DYNC1I1: variants seen among roughly 807,000 people sequenced by gnomAD.
DYNC1I1 encodes cytoplasmic dynein 1 intermediate chain 1.
Under a neutral mutation model 86.6 loss-of-function variants are expected in DYNC1I1, and 43 were observed. The ratio of observed to expected loss-of-function variants is 0.50; its 90% CI spans 0.39 to 0.64. The LOEUF (loss-of-function observed/expected upper bound fraction) is 0.64, where lower values mean the gene tolerates loss of function less well. Ranked by LOEUF, DYNC1I1 falls within the 30% of genes least tolerant of loss-of-function variation. DYNC1I1 has a pLI of 0.00. For missense variants in DYNC1I1, 604 were observed against 788.8 expected (o/e 0.77, Z 2.81); for synonymous variants, 262 against 283.7 (o/e 0.92, Z 0.77).
At chr7:96,107,033 C>CTT (rs374213729) in intron 16 of DYNC1I1, among the ~76,000 whole-genome samples, 11 of 145,796 alleles carry the variant, frequency 7.5e-5, no homozygotes, top group African/African-American at 1.2e-4. Context: ...TTCATTCATA[C>CTT]TTTTTTTTTT....
chr7:95,976,190 T>C (rs985084881), intron 6 of DYNC1I1, among the ~76,000 whole-genome samples: 2 of 152,230 alleles, frequency 1.3e-5, no homozygotes, highest in Non-Finnish European at 2.9e-5. Context: ...TTCTTATATA[T>C]GTATAATGTG....
intron 6 of DYNC1I1, among the ~76,000 whole-genome samples, chr7:95,918,837 A>G (rs1402837656): frequency 6.6e-6 from 1 of 152,194 alleles, no homozygotes; most frequent in Non-Finnish European, 1.5e-5. Context: ...CTTAAACAAT[A>G]CCATAAATAT....
At chr7:95,845,534 T>C (rs1220837324) in intron 5 of DYNC1I1, among the ~76,000 whole-genome samples, 1 of 152,208 alleles carries the variant, frequency 6.6e-6, no homozygotes, top group East Asian at 1.9e-4. Context: ...TTTTCAAGGT[T>C]TGTCATGTAA....
chr7:95,995,912 T>C, intron 9 of DYNC1I1, 36 bp from the exon 10 acceptor site: 2 of 1,557,880 alleles, frequency 1.3e-6, no homozygotes, highest in Non-Finnish European at 1.7e-6. Context: ...TGTTGTCATC[T>C]TAGCATAATT....
chr7:95,942,235 T>C (rs1426407898), intron 6 of DYNC1I1, among the ~76,000 whole-genome samples: 1 of 152,154 alleles, frequency 6.6e-6, no homozygotes, highest in Admixed American at 6.5e-5. Context: ...CCGAGAATAC[T>C]ACAAACACCT....
chr7:96,011,695 G>A (rs2115851039), intron 10 of DYNC1I1, among the ~76,000 whole-genome samples: 1 of 152,282 alleles, frequency 6.6e-6, no homozygotes, highest in Admixed American at 6.5e-5. Flanking sequence ...ATTTCGAAGT[G>A]GTGGTGTGTG....
At chr7:95,832,622 C>T (rs2115953039) in intron 5 of DYNC1I1, among the ~76,000 whole-genome samples, 1 of 152,276 alleles carries the variant, frequency 6.6e-6, no homozygotes, top group African/African-American at 2.4e-5. Flanking sequence ...ACATCCTCTC[C>T]AGCACCTGTT....
intron 16 of DYNC1I1, among the ~76,000 whole-genome samples, chr7:96,087,024 G>A (rs1388138837): frequency 6.6e-6 from 1 of 152,122 alleles, no homozygotes; most frequent in Non-Finnish European, 1.5e-5. Flanking sequence ...TGATAAACTG[G>A]AAGTACTGGG....
intron 14 of DYNC1I1, chr7:96,056,006 T>C (rs1319520084): frequency 6.6e-6 from 1 of 150,424 alleles, no homozygotes; most frequent in Non-Finnish European, 1.5e-5. Context: ...CCTTAAGGAT[T>C]AAAAACTTAA....
At chr7:95,885,385 C>T (rs537066573) in intron 6 of DYNC1I1, among the ~76,000 whole-genome samples, 9 of 152,154 alleles carry the variant, frequency 5.9e-5, no homozygotes, top group Non-Finnish European at 1.0e-4. Context: ...CCATGTTGGC[C>T]AGGCTGGTCT....
In DYNC1I1 at chr7:95,954,860, G is replaced by A. The variant is rs868034100; in HGVS notation, c.491-22652G>A. ...GAACCCGGGAGGCGGAGCTTGCAGT[G>A]AGCCGAGATCGCACCACTGCACTCC... On this transcript the variant is annotated intron_variant, in intron 6 of 16. Coordinates refer to ENST00000447467, the MANE Select transcript of DYNC1I1 (RefSeq NM_001135556.2). Among the ~76,000 whole-genome samples the A allele has an allele frequency of 3.6e-5, 5 of 137,112 alleles. No homozygotes were observed. In the East Asian group the frequency reaches 1.1e-3, roughly 30 times the overall value. The allele number at this position is 137,112 out of a possible 152,430, so 90.0% of individuals were successfully genotyped here. A position where few individuals can be genotyped will look rare whatever the true frequency, so the allele number is the denominator to read the frequency against.
At chr7:96,028,070 TCCAG>T in intron 10 of DYNC1I1, 101 bp from the exon 11 acceptor site, 3 of 1,444,404 alleles carry the variant, frequency 2.1e-6, no homozygotes, top group Admixed American at 2.1e-5. Context: ...TTTTTTGTTT[TCCAG>T]GATGTGTTGA....
At chr7:95,798,518 A>G (rs926170194) in intron 1 of DYNC1I1, among the ~76,000 whole-genome samples, 3 of 152,180 alleles carry the variant, frequency 2.0e-5, no homozygotes, top group African/African-American at 4.8e-5. Context: ...AATATATGAT[A>G]GTGAAGAGCT....
At chr7:95,952,838 T>C (rs1183872530) in intron 6 of DYNC1I1, among the ~76,000 whole-genome samples, 1 of 152,016 alleles carries the variant, frequency 6.6e-6, no homozygotes, top group African/African-American at 2.4e-5. Flanking sequence ...TGTCTCTTTC[T>C]TCATTTTTGG....
intron 2 of DYNC1I1, among the ~76,000 whole-genome samples, chr7:95,808,344 A>G (rs572964466): frequency 6.6e-6 from 1 of 152,270 alleles, no homozygotes; most frequent in African/African-American, 2.4e-5. Context: ...TATAAAAACT[A>G]GTGTGAATTA....
At chr7:96,093,645 C>G (rs181177346) in intron 16 of DYNC1I1, among the ~76,000 whole-genome samples, 1 of 152,132 alleles carries the variant, frequency 6.6e-6, no homozygotes, top group Non-Finnish European at 1.5e-5. Flanking sequence ...GTCGATGAAG[C>G]AGTTGGAATA....
intron 6 of DYNC1I1, among the ~76,000 whole-genome samples, chr7:95,976,809 A>C (rs1793315477): frequency 1.3e-5 from 2 of 152,194 alleles, no homozygotes; most frequent in African/African-American, 4.8e-5. Flanking sequence ...GGCCTCTAGG[A>C]AAGGCAAGTT....
At chr7:95,878,195 C>A (rs1182277187) in intron 6 of DYNC1I1, among the ~76,000 whole-genome samples, 1 of 152,118 alleles carries the variant, frequency 6.6e-6, no homozygotes, top group Non-Finnish European at 1.5e-5. Flanking sequence ...GACCCCTACA[C>A]AGGCAGGGAA....
At chr7:96,026,703 C>T (rs1401388517) in intron 10 of DYNC1I1, among the ~76,000 whole-genome samples, 1 of 152,134 alleles carries the variant, frequency 6.6e-6, no homozygotes, top group Non-Finnish European at 1.5e-5. Context: ...CTTCATTATC[C>T]TATCCTTCAG....
Sources: gnomAD v4.1 joint callset for allele counts (sites outside exome capture counted in the v4.1 genomes callset) on GRCh38, gnomAD v4.1.1 for gene constraint, MANE v1.5 for transcripts, NCBI Gene and HGNC (gene_info 2026-07-23, HGNC 2026-07-21) for gene names.